ARID1B: variants seen among roughly 807,000 people sequenced by gnomAD.
ARID1B encodes AT-rich interaction domain 1B.
A neutral mutation model predicts 212.3 loss-of-function variants in ARID1B; 30 were observed. The ratio of observed to expected loss-of-function variants is 0.14; its 90% CI spans 0.11 to 0.19. The LOEUF (loss-of-function observed/expected upper bound fraction) is 0.19. ARID1B is among the 10% of genes least tolerant of loss of function. The pLI is 1.00. For missense variants in ARID1B, 2,891 were observed against 3,204.0 expected, an observed-to-expected ratio of 0.90 and a Z score of 2.36; for synonymous variants, 1,402 against 1,301.7, an observed-to-expected ratio of 1.08 and a Z score of -1.66.
chr6:157,047,239 A>G (rs148316067), intron 4 of ARID1B, among the ~76,000 whole-genome samples: 19 of 152,316 alleles, frequency 1.2e-4, no homozygotes, highest in African/African-American at 4.3e-4. Flanking sequence ...ACACTCTGTG[A>G]GGTATTAGGT....
At chr6:156,853,305 T>C (rs1784702087) in intron 2 of ARID1B, among the ~76,000 whole-genome samples, 1 of 152,232 alleles carries the variant, frequency 6.6e-6, no homozygotes, top group South Asian at 2.1e-4. Flanking sequence ...ACAATCTTAT[T>C]GTGTGTTTTT....
chr6:157,045,978 A>G (rs370259836), intron 4 of ARID1B, among the ~76,000 whole-genome samples: 44 of 152,216 alleles, frequency 2.9e-4, no homozygotes, highest in African/African-American at 1.0e-3. Flanking sequence ...GTGGGAATCC[A>G]GGAATCCATA....
chr6:156,786,604 A>G (rs187361222), intron 1 of ARID1B, among the ~76,000 whole-genome samples: 1 of 152,324 alleles, frequency 6.6e-6, no homozygotes, highest in Admixed American at 6.5e-5. Flanking sequence ...ATGAACTGTT[A>G]CTTAAGAGCT....
intron 13 of ARID1B, chr6:157,184,758 C>T (rs1453551921): frequency 2.7e-6 from 1 of 366,208 alleles, no homozygotes; most frequent in East Asian, 6.4e-5. Flanking sequence ...TTCCATCTAC[C>T]TCTACACAAA....
At chr6:157,128,049 C>T (rs1291759320) in intron 6 of ARID1B, among the ~76,000 whole-genome samples, 1 of 151,810 alleles carries the variant, frequency 6.6e-6, no homozygotes. Flanking sequence ...ATCCTCACTA[C>T]AACCCTATGA....
intron 11 of ARID1B, among the ~76,000 whole-genome samples, chr6:157,178,036 T>C (rs1056951653): frequency 2.6e-5 from 4 of 152,164 alleles, no homozygotes; most frequent in African/African-American, 9.7e-5. Flanking sequence ...ACACTAAATA[T>C]TGGCTGTGGT....
intron 7 of ARID1B, among the ~76,000 whole-genome samples, chr6:157,144,105 T>G (rs945992534): frequency 6.6e-6 from 1 of 152,216 alleles, no homozygotes; most frequent in African/African-American, 2.4e-5. Context: ...CTTTAGTATA[T>G]AACATGAGTG....
At chr6:157,096,540 G>A (rs967731041) in intron 5 of ARID1B, among the ~76,000 whole-genome samples, 14 of 152,252 alleles carry the variant, frequency 9.2e-5, no homozygotes, top group Admixed American at 9.2e-4. Flanking sequence ...GTAATGGAGA[G>A]TACTTGAGGT....
intron 7 of ARID1B, among the ~76,000 whole-genome samples, chr6:157,146,996 G>C (rs1048960418): frequency 2.0e-5 from 3 of 152,136 alleles, no homozygotes; most frequent in Non-Finnish European, 2.9e-5. Context: ...TGGAGTCCTG[G>C]GGTATCTATA....
chr6:156,880,432 T>G (rs1786952694), intron 2 of ARID1B, among the ~76,000 whole-genome samples: 1 of 152,084 alleles, frequency 6.6e-6, no homozygotes, highest in Admixed American at 6.5e-5. Context: ...ATTGTGTAAG[T>G]TTTGCATAAG....
chr6:157,059,107 T>A (rs1248215473), intron 4 of ARID1B, among the ~76,000 whole-genome samples: 1 of 151,722 alleles, frequency 6.6e-6, no homozygotes, highest in African/African-American at 2.4e-5. Context: ...TTATCGACAG[T>A]GTGTGGTATC....
chr6:156,872,941 C>T (rs1786263090), intron 2 of ARID1B, among the ~76,000 whole-genome samples: 1 of 152,196 alleles, frequency 6.6e-6, no homozygotes, highest in African/African-American at 2.4e-5. Flanking sequence ...TGGACACTCC[C>T]CTCCTGCTCT....
At chr6:156,958,189 A>T (rs1165664128) in intron 4 of ARID1B, among the ~76,000 whole-genome samples, 1 of 152,174 alleles carries the variant, frequency 6.6e-6, no homozygotes, top group Non-Finnish European at 1.5e-5. Flanking sequence ...TCCTGACATC[A>T]GGAGGTTAAA....
chr6:157,129,648 G>A (rs565870463), intron 6 of ARID1B, among the ~76,000 whole-genome samples: 3 of 152,268 alleles, frequency 2.0e-5, no homozygotes, highest in African/African-American at 4.8e-5. Context: ...ATTTGAATTC[G>A]CTTTTTAATT....
At chr6:157,039,829 TC>T (rs1781718376) in intron 4 of ARID1B, among the ~76,000 whole-genome samples, 1 of 117,436 alleles carries the variant, frequency 8.5e-6, no homozygotes, top group Non-Finnish European at 1.8e-5. Context: ...TCTCTCTTTC[TC>T]TCTTTCTTTC....
At chr6:157,122,540 C>T (rs148884259) in intron 6 of ARID1B, among the ~76,000 whole-genome samples, 109 of 152,342 alleles carry the variant, frequency 7.2e-4, no homozygotes, top group Admixed American at 1.6e-3. Flanking sequence ...ACAAGGGATT[C>T]GCCTCTTAGC....
chr6:156,872,651 G>A (rs1450683734), intron 2 of ARID1B, among the ~76,000 whole-genome samples: 1 of 152,086 alleles, frequency 6.6e-6, no homozygotes, highest in Non-Finnish European at 1.5e-5. Flanking sequence ...CAGTCTGTTT[G>A]GTTTATTGGC....
At chr6:156,923,775 G>A (rs1164089051) in intron 3 of ARID1B, among the ~76,000 whole-genome samples, 1 of 151,302 alleles carries the variant, frequency 6.6e-6, no homozygotes, top group African/African-American at 2.4e-5. Flanking sequence ...TACAATCTCG[G>A]CTCACTGCAT....
rs1793703981 is a variant in ARID1B at position 157,196,153 on chromosome 6, A to C, written c.4232-12A>C. On this transcript the variant is annotated splice_polypyrimidine_tract_variant and intron_variant, in intron 15 of 19. Coordinates refer to ENST00000636930, the MANE Select transcript of ARID1B (RefSeq NM_001374828.1). ...ATGCCTAAATGTATGCATTTTATTTAAAATATTGCAGTGCCTGGAAGCAGC... is the reference window on the plus strand; with the variant it reads ...ATGCCTAAATGTATGCATTTTATTTCAAATATTGCAGTGCCTGGAAGCAGC... 6.2e-7 allele frequency: 1 copy of C among 1,610,950 alleles called. No individual in the cohort carries two copies. The highest frequency in any genetic ancestry group is 8.5e-7 in the Non-Finnish European group (1 of 1,179,348).
Sources: gnomAD v4.1 joint callset for allele counts (sites outside exome capture counted in the v4.1 genomes callset) on GRCh38, gnomAD v4.1.1 for gene constraint, MANE v1.5 for transcripts, NCBI Gene and HGNC (gene_info 2026-07-23, HGNC 2026-07-21) for gene names.